Variants in DOK6 observed in about 807,000 individuals in gnomAD.
DOK6 encodes downstream of tyrosine kinase 6.
Under a neutral mutation model 44.0 loss-of-function variants are expected in DOK6, and 22 were observed. The observed-to-expected ratio is 0.50, with a 90% CI of 0.36 to 0.71. The LOEUF (loss-of-function observed/expected upper bound fraction) is 0.71. Ranked by LOEUF, DOK6 falls within the 30% of genes least tolerant of loss-of-function variation. The pLI is 0.00. For missense variants in DOK6, 340 were observed against 416.4 expected, an observed-to-expected ratio of 0.82 and a Z score of 1.60; for synonymous variants, 166 against 145.5, an observed-to-expected ratio of 1.14 and a Z score of -1.01.
At chr18:69,589,933 T>G (rs2144615986) in intron 2 of DOK6, among the ~76,000 whole-genome samples, 1 of 152,262 alleles carries the variant, frequency 6.6e-6, no homozygotes, top group South Asian at 2.1e-4. Context: ...TTAACCTTTT[T>G]GAACTAAAAT....
In DOK6 at chr18:69,549,754, T is replaced by G. The variant is rs568541038; in HGVS notation, c.67-14733T>G. ...TGCAAGATAGACACTCATTTTACCC[T>G]CAGGGAATCAGATCTGGAAGCACTT... On this transcript the variant is annotated intron_variant, in intron 1 of 7. Coordinates refer to ENST00000382713, the MANE Select transcript of DOK6 (RefSeq NM_152721.6). 1.3e-3 allele frequency among the ~76,000 whole-genome samples: 204 copies of G among 151,530 alleles called. 1 individual carries two copies. Among genetic ancestry groups the G allele is most frequent in the African/African-American group, 4.6e-3 (191 of 41,492 alleles).
intron 1 of DOK6, among the ~76,000 whole-genome samples, chr18:69,531,893 A>C (rs185621307): frequency 1.3e-5 from 2 of 152,226 alleles, no homozygotes; most frequent in African/African-American, 4.8e-5. Context: ...TTGAAGCCCT[A>C]ATCCCCAATG....
chr18:69,757,696 G>A (rs1979402699), intron 6 of DOK6, 60 bp from the exon 7 acceptor site: 1 of 1,365,820 alleles, frequency 7.3e-7, no homozygotes, highest in African/African-American at 1.4e-5. Context: ...ATATTTAGAA[G>A]AGCAGATTTC....
chr18:69,679,879 A>G (rs556902592), intron 4 of DOK6, among the ~76,000 whole-genome samples: 2 of 152,280 alleles, frequency 1.3e-5, no homozygotes, highest in South Asian at 4.1e-4. Flanking sequence ...TTATTTTAGA[A>G]TAGGACAAAC....
At chr18:69,571,696 TATGGAACTA>T (rs2144603375) in intron 2 of DOK6, among the ~76,000 whole-genome samples, 1 of 152,224 alleles carries the variant, frequency 6.6e-6, no homozygotes, top group South Asian at 2.1e-4. Flanking sequence ...TCACAAATTT[TATGGAACTA>T]ATTACAGAAC....
chr18:69,828,058 G>A (rs1375728954), intron 7 of DOK6, among the ~76,000 whole-genome samples: 1 of 151,736 alleles, frequency 6.6e-6, no homozygotes, highest in Non-Finnish European at 1.5e-5. Context: ...CGGGAATACT[G>A]TACTTCATCA....
Position 69,563,219 on chromosome 18 carries a change from CA to C in DOK6, c.67-1266del, listed in dbSNP as rs1336690910. 1.2e-4 allele frequency among the ~76,000 whole-genome samples: 18 copies of C among 152,268 alleles called. No individual in the cohort carries two copies. The South Asian group carries it at 3.7e-3, about 32-fold the overall frequency. On this transcript the variant is annotated intron_variant, in intron 1 of 7. Coordinates refer to ENST00000382713, the MANE Select transcript of DOK6 (RefSeq NM_152721.6). ...CTGTTGGTGGGACTGTAAACTAGTTCAACCATTGTGGAAGTCAGTGTGGCGA... is the reference window on the plus strand; with the variant it reads ...CTGTTGGTGGGACTGTAAACTAGTTCACCATTGTGGAAGTCAGTGTGGCGA...
intron 2 of DOK6, among the ~76,000 whole-genome samples, chr18:69,591,906 T>C (rs1983630966): frequency 6.6e-6 from 1 of 152,100 alleles, no homozygotes; most frequent in South Asian, 2.1e-4. Flanking sequence ...ATTTTCTTCA[T>C]ATGTTCTTAA....
chr18:69,546,042 C>T (rs554148339), intron 1 of DOK6, among the ~76,000 whole-genome samples: 6 of 151,308 alleles, frequency 4.0e-5, no homozygotes, highest in African/African-American at 9.7e-5. Flanking sequence ...CTTTGGGAGG[C>T]CAAGGCGGGC....
intron 2 of DOK6, among the ~76,000 whole-genome samples, chr18:69,569,386 A>G (rs902272328): frequency 6.6e-6 from 1 of 152,240 alleles, no homozygotes; most frequent in African/African-American, 2.4e-5. Context: ...GCATTTGGCA[A>G]TTCAGTCTAA....
At chr18:69,687,526 A>G (rs1365763024) in intron 4 of DOK6, among the ~76,000 whole-genome samples, 2 of 152,084 alleles carry the variant, frequency 1.3e-5, no homozygotes, top group African/African-American at 2.4e-5. Context: ...TACTAACAAC[A>G]CAAAAATTAG....
At chr18:69,488,151 C>T (rs1370199289) in intron 1 of DOK6, among the ~76,000 whole-genome samples, 2 of 152,122 alleles carry the variant, frequency 1.3e-5, no homozygotes, top group African/African-American at 2.4e-5. Context: ...TCTTCTTGTG[C>T]TCAAGGGGAG....
At chr18:69,593,822 A>G (rs1983676894) in intron 2 of DOK6, among the ~76,000 whole-genome samples, 1 of 152,220 alleles carries the variant, frequency 6.6e-6, no homozygotes, top group African/African-American at 2.4e-5. Flanking sequence ...TGTTTTTATT[A>G]TATGGTACAT....
chr18:69,829,687 A>G (rs1262052490), intron 7 of DOK6, among the ~76,000 whole-genome samples: 1 of 152,048 alleles, frequency 6.6e-6, no homozygotes. Context: ...TATTACTGCA[A>G]TGAAGAAAGA....
chr18:69,661,739 T>C (rs1161372909), intron 3 of DOK6: 1 of 152,246 alleles, frequency 6.6e-6, no homozygotes, highest in Non-Finnish European at 1.5e-5. Flanking sequence ...TTTAATTTAC[T>C]GAATTAATTC....
intron 3 of DOK6, among the ~76,000 whole-genome samples, chr18:69,624,466 G>C (rs554994456): frequency 2.9e-4 from 44 of 152,046 alleles, no homozygotes; most frequent in African/African-American, 1.0e-3. Context: ...TCTGTAATCA[G>C]GTAAAGGAAA....
chr18:69,767,071 A>C (rs1470215859), intron 7 of DOK6, among the ~76,000 whole-genome samples: 1 of 152,024 alleles, frequency 6.6e-6, no homozygotes, highest in Non-Finnish European at 1.5e-5. Context: ...TACTAAAAAT[A>C]CCAAAAAAAA....
chr18:69,638,846 A>G (rs989506564), intron 3 of DOK6, among the ~76,000 whole-genome samples: 2 of 152,246 alleles, frequency 1.3e-5, no homozygotes, highest in African/African-American at 4.8e-5. Flanking sequence ...TACATACAGT[A>G]TAACCTCACA....
chr18:69,696,613 A>G (rs1342362004), intron 4 of DOK6, among the ~76,000 whole-genome samples: 6 of 152,232 alleles, frequency 3.9e-5, no homozygotes, highest in Non-Finnish European at 7.3e-5. Flanking sequence ...TTAATTCCAA[A>G]TATAGGAGCT....
Sources: gnomAD v4.1 joint callset for allele counts (sites outside exome capture counted in the v4.1 genomes callset) on GRCh38, gnomAD v4.1.1 for gene constraint, MANE v1.5 for transcripts, NCBI Gene and HGNC (gene_info 2026-07-23, HGNC 2026-07-21) for gene names.